Variants in BAZ2B observed in about 807,000 individuals in gnomAD.
The protein encoded by BAZ2B is bromodomain adjacent to zinc finger domain 2B, also known as bromodomain adjacent to zinc finger domain protein 2B.
In BAZ2B, 91 loss-of-function variants were observed where a neutral mutation model predicts 246.0. That is an observed-to-expected ratio of 0.37 (90% confidence interval 0.31 to 0.44). The LOEUF is 0.44. BAZ2B is among the 20% of genes least tolerant of loss of function. The pLI, the probability that BAZ2B is intolerant of heterozygous loss-of-function variation, is 1.00. For missense variants in BAZ2B, 2,332 were observed against 2,533.7 expected (o/e 0.92, Z 1.71); for synonymous variants, 855 against 860.0 (o/e 0.99, Z 0.10).
intron 19 of BAZ2B, chr2:159,397,128 T>C (rs1420608708): frequency 1.4e-6 from 2 of 1,472,628 alleles, no homozygotes; most frequent in East Asian, 2.8e-5. Context: ...CACAACATTA[T>C]GAAACAGAAA....
the BAZ2B span, among the ~76,000 whole-genome samples, chr2:159,639,437 G>C: frequency 6.6e-6 from 1 of 152,078 alleles, no homozygotes; most frequent in Non-Finnish European, 1.5e-5. Flanking sequence ...TAAGTAGAAA[G>C]AATAAATGAT....
chr2:159,637,453 A>C, the BAZ2B span, among the ~76,000 whole-genome samples: 3 of 152,324 alleles, frequency 2.0e-5, no homozygotes, highest in South Asian at 4.1e-4. Flanking sequence ...CCACAAGAAG[A>C]AGCTCCGCTG....
intron 13 of BAZ2B, among the ~76,000 whole-genome samples, chr2:159,418,287 T>C (rs1343099928): frequency 2.6e-5 from 4 of 152,228 alleles, no homozygotes; most frequent in Non-Finnish European, 5.9e-5. Flanking sequence ...AAAGAGATCA[T>C]GAAATTTATT....
the BAZ2B span, among the ~76,000 whole-genome samples, chr2:159,706,746 T>C: frequency 6.6e-6 from 1 of 152,248 alleles, no homozygotes; most frequent in Admixed American, 6.5e-5. Context: ...TAAACTGTGA[T>C]GGTTAATTTT....
rs766814037 is a variant in BAZ2B at position 159,432,789 on chromosome 2, T to C, written c.1868A>G (p.Asp623Gly). 3 of 1,613,118 alleles carry C rather than the reference T, an allele frequency of 1.9e-6. No homozygotes were observed. Among genetic ancestry groups the C allele is most frequent in the Non-Finnish European group, 1.7e-6 (2 of 1,179,330 alleles). ...EDDEEEDEED[D>G]EDDESDDSQS... The stretch of plus-strand genomic sequence containing the variant: ...GCTGTCATCAGATTCATCATCTTCA[T>C]CATCTTCCTCATCTTCTTCTTCATC... The change falls in exon 9 of 37, where the codon GAT becomes GGT. Residue 623 changes from aspartate (D) to glycine (G), a missense_variant. Asp to Gly is a moderately conservative substitution (Grantham distance 94). Transcript: ENST00000392783.
chr2:159,674,672 C>T, the BAZ2B span, among the ~76,000 whole-genome samples: 4,426 of 149,576 alleles, frequency 0.03, 233 homozygotes, highest in African/African-American at 0.1. Flanking sequence ...GCTGAGATTG[C>T]GCCATTGCAG....
chr2:159,703,453 A>G, the BAZ2B span, among the ~76,000 whole-genome samples: 5 of 148,686 alleles, frequency 3.4e-5, no homozygotes, highest in African/African-American at 1.0e-4. Flanking sequence ...TACCTTAATA[A>G]ATGGACTTTA....
At chr2:159,358,400 C>A (rs1028337813) in intron 27 of BAZ2B, among the ~76,000 whole-genome samples, 1 of 152,164 alleles carries the variant, frequency 6.6e-6, no homozygotes, top group Non-Finnish European at 1.5e-5. Context: ...ATCAACACAA[C>A]AAGAAGAGCT....
chr2:159,372,859 T>C lies in BAZ2B; in HGVS notation c.4213+186A>G, dbSNP rs147217709. 8.5e-5 allele frequency among the ~76,000 whole-genome samples: 13 copies of C among 152,222 alleles called. No individual in the cohort carries two copies. In the East Asian group the frequency reaches 2.3e-3, roughly 27 times the overall value. ...GATGTCAGAAAGAGTAGCAAAAGAA[T>C]ATCAAGGGCTAGGAGGAAGTGTGTA... On this transcript the variant is annotated intron_variant, in intron 27 of 36. Coordinates refer to ENST00000392783, the MANE Select transcript of BAZ2B (RefSeq NM_013450.4).
At chr2:159,680,661 G>A in the BAZ2B span, among the ~76,000 whole-genome samples, 1 of 152,304 alleles carries the variant, frequency 6.6e-6, no homozygotes, top group East Asian at 1.9e-4. Flanking sequence ...GATAATAAGG[G>A]ATCAGAGACA....
intron 13 of BAZ2B, among the ~76,000 whole-genome samples, chr2:159,414,092 G>T (rs1346075992): frequency 1.3e-5 from 2 of 152,178 alleles, no homozygotes; most frequent in Non-Finnish European, 2.9e-5. Flanking sequence ...AGAAAAATGA[G>T]ATCCTTTCAT....
At chr2:159,515,116 A>G (rs1254774880) in intron 2 of BAZ2B, among the ~76,000 whole-genome samples, 4 of 151,938 alleles carry the variant, frequency 2.6e-5, no homozygotes, top group Admixed American at 2.6e-4. Context: ...TTGATTTTTC[A>G]TAATCTTATG....
In BAZ2B at chr2:159,433,135, C is replaced by A; in HGVS notation, c.1522G>T (p.Ala508Ser). 1 of 1,614,130 alleles carries A rather than the reference C, an allele frequency of 6.2e-7. No homozygotes were observed. Reference protein sequence around the residue: ...IQSVIQEAPLALTTKTKMQSK... With the variant: ...IQSVIQEAPLSLTTKTKMQSK... ...TGCATTTTAGTTTTGGTAGTAAGTGCTAGAGGAGCTTCTTGAATGACACTT... is the reference window on the plus strand; with the variant it reads ...TGCATTTTAGTTTTGGTAGTAAGTGATAGAGGAGCTTCTTGAATGACACTT... The change falls in exon 9 of 37, where the codon GCA (alanine) becomes TCA (serine). Residue 508 changes from alanine to serine, a missense_variant. Physicochemically the swap from Ala to Ser is moderately conservative, Grantham distance 99. Transcript: ENST00000392783.
chr2:159,510,832 C>G (rs963390114), intron 2 of BAZ2B, among the ~76,000 whole-genome samples: 5 of 152,136 alleles, frequency 3.3e-5, no homozygotes, highest in Non-Finnish European at 7.4e-5. Flanking sequence ...AATGACCGCT[C>G]TCTTACTGTC....
At chr2:159,418,436 G>A (rs1025185614) in intron 13 of BAZ2B, among the ~76,000 whole-genome samples, 7 of 152,120 alleles carry the variant, frequency 4.6e-5, no homozygotes, top group Admixed American at 1.3e-4. Context: ...CCAATTAACT[G>A]GGTTTCCCAC....
At chr2:159,700,061 T>A in the BAZ2B span, among the ~76,000 whole-genome samples, 1 of 152,190 alleles carries the variant, frequency 6.6e-6, no homozygotes, top group Non-Finnish European at 1.5e-5. Flanking sequence ...TATGACTTAA[T>A]CACCTCACAA....
chr2:159,477,376 C>T (rs1559560130), intron 3 of BAZ2B, among the ~76,000 whole-genome samples: 1 of 151,638 alleles, frequency 6.6e-6, no homozygotes, highest in African/African-American at 2.4e-5. Context: ...CATACACACA[C>T]ATATAGTGCT....
chr2:159,530,530 T>G (rs1396474307), intron 2 of BAZ2B, among the ~76,000 whole-genome samples: 1 of 152,132 alleles, frequency 6.6e-6, no homozygotes, highest in African/African-American at 2.4e-5. Flanking sequence ...AATACCCAAA[T>G]AAGTTAACAC....
upstream of BAZ2B, chr2:159,616,762 T>A (rs1197046001): frequency 6.6e-6 from 1 of 152,198 alleles, no homozygotes; most frequent in East Asian, 1.9e-4. Flanking sequence ...CAGGAAAAAG[T>A]TAAGAAACTT....
Sources: gnomAD v4.1 joint callset for allele counts (sites outside exome capture counted in the v4.1 genomes callset) on GRCh38, gnomAD v4.1.1 for gene constraint, MANE v1.5 for transcripts, NCBI Gene and HGNC (gene_info 2026-07-23, HGNC 2026-07-21) for gene names.